Variants in LNPK observed in about 807,000 individuals in gnomAD.
LNPK encodes the protein lunapark, ER junction formation factor, also known as endoplasmic reticulum junction formation protein lunapark.
LNPK carries 29 observed loss-of-function variants against 55.2 expected under a neutral mutation model. The observed-to-expected ratio is 0.53, with a 90% CI of 0.39 to 0.72. The LOEUF is 0.72. Among genes scored for constraint, LNPK ranks in the 30% least tolerant of loss-of-function variants. The pLI is 0.00. For synonymous variants in LNPK, 162 were observed against 168.2 expected (o/e 0.96, Z 0.29); for missense variants, 467 against 494.8 (o/e 0.94, Z 0.53).
intron 8 of LNPK, among the ~76,000 whole-genome samples, chr2:175,953,536 T>C (rs1685524298): frequency 6.6e-6 from 1 of 152,044 alleles, no homozygotes; most frequent in African/African-American, 2.4e-5. Flanking sequence ...AACAAAAACG[T>C]AGGTCACATC....
chr2:175,929,641 T>C lies in LNPK; in HGVS notation c.*326A>G, dbSNP rs964847976. The C allele has an allele frequency of 1.4e-5, 15 of 1,052,340 alleles. No homozygotes were observed. The highest frequency in any genetic ancestry group is 6.7e-5 in the African/African-American group (4 of 59,710). The allele number at this position is 1,052,340 out of a possible 1,614,324, so 65.2% of individuals were successfully genotyped here. A position where few individuals can be genotyped will look rare whatever the true frequency, so the allele number is the denominator to read the frequency against. On this transcript the variant is annotated 3_prime_UTR_variant, in exon 13 of 13. Transcript: ENST00000272748. Reference sequence around the variant, plus strand: ...AACCAAAGTTCTTCCTATGTCAAAATGGATATTTACGGGTTATACATACAG... The same window carrying C: ...AACCAAAGTTCTTCCTATGTCAAAACGGATATTTACGGGTTATACATACAG...
intron 12 of LNPK, among the ~76,000 whole-genome samples, chr2:175,931,588 T>C (rs1046478948): frequency 6.6e-6 from 1 of 152,206 alleles, no homozygotes; most frequent in African/African-American, 2.4e-5. Context: ...TTTTACTATA[T>C]GAAAACTTCC....
intron 2 of LNPK, among the ~76,000 whole-genome samples, chr2:175,994,588 T>C (rs1188206022): frequency 6.6e-6 from 1 of 151,406 alleles, no homozygotes; most frequent in Non-Finnish European, 1.5e-5. Context: ...AGTGGCACAA[T>C]CTCGGCTCAC....
At position 175,937,276 on chromosome 2, in the gene LNPK, C is replaced by G. The variant is rs367787743; in HGVS notation, c.1054+68G>C. Reference sequence around the variant, plus strand: ...AAATTAATCCATCTTTATCTAAAAGCATTATGCTTTTATTACTGTTAAATA... The same window carrying G: ...AAATTAATCCATCTTTATCTAAAAGGATTATGCTTTTATTACTGTTAAATA... On this transcript the variant is annotated intron_variant, in intron 12 of 12. Transcript: ENST00000272748. The G allele has an allele frequency of 5.8e-5, 83 of 1,434,630 alleles. No individual in the cohort carries two copies. In the South Asian group the frequency reaches 1.0e-3, roughly 17 times the overall value. 88.9% of individuals were successfully genotyped at this position (1,434,630 alleles called of 1,614,324 possible). A position where few individuals can be genotyped will look rare whatever the true frequency, so the allele number is the denominator to read the frequency against.
intron 1 of LNPK, among the ~76,000 whole-genome samples, chr2:176,000,009 A>C (rs930847035): frequency 2.6e-5 from 4 of 152,080 alleles, no homozygotes; most frequent in Non-Finnish European, 5.9e-5. Flanking sequence ...CAAGTGATCC[A>C]CCTGCCTTGG....
chr2:175,959,676 AC>A (rs1156249864), intron 8 of LNPK, among the ~76,000 whole-genome samples: 1 of 152,186 alleles, frequency 6.6e-6, no homozygotes, highest in Admixed American at 6.5e-5. Flanking sequence ...TAACCAGCTA[AC>A]ATCATAACGA....
At chr2:175,978,435 G>A (rs1011559866) in intron 5 of LNPK, among the ~76,000 whole-genome samples, 1 of 152,086 alleles carries the variant, frequency 6.6e-6, no homozygotes, top group Non-Finnish European at 1.5e-5. Flanking sequence ...AAGACTATAG[G>A]TTAAGAGTGA....
In LNPK at chr2:176,002,146, CT is replaced by C; in HGVS notation, c.-63+13del. The C allele has an allele frequency of 2.3e-6, 1 of 440,942 alleles. No homozygotes were observed. Among genetic ancestry groups the C allele is most frequent in the African/African-American group, 2.1e-5 (1 of 48,768 alleles). 27.3% of individuals were successfully genotyped at this position (440,942 alleles called of 1,614,324 possible). A position where few individuals can be genotyped will look rare whatever the true frequency, so the allele number is the denominator to read the frequency against. ...GCAGAGCCCTCCCAACTGCCCTCGC[CT>C]TGAGCGTTCTACCTGCAAGAAGCGG... On this transcript the variant is annotated intron_variant, in intron 1 of 12. Coordinates refer to ENST00000272748, the MANE Select transcript of LNPK (RefSeq NM_030650.3).
intron 4 of LNPK, among the ~76,000 whole-genome samples, chr2:175,981,464 CT>C (rs1380685079): frequency 6.6e-6 from 1 of 152,128 alleles, no homozygotes; most frequent in Non-Finnish European, 1.5e-5. Flanking sequence ...CACCAGATAT[CT>C]TATTGGGATT....
chr2:175,934,680 A>G (rs1376006964), intron 12 of LNPK, among the ~76,000 whole-genome samples: 1 of 152,032 alleles, frequency 6.6e-6, no homozygotes, highest in East Asian at 1.9e-4. Flanking sequence ...AACCACCTTA[A>G]TGTAACTTAG....
rs1342190373 is a variant in LNPK, at chr2:175,927,103, AG to A, written c.*2863del. ...GAACTTAAGGAACACCAACACTTAC[AG>A]GACGTTGAGAGCAAGAGGCCAGAGA... On this transcript the variant is annotated 3_prime_UTR_variant, in exon 13 of 13. Transcript: ENST00000272748. The A allele has an allele frequency of 2.0e-5, 3 of 152,258 alleles. No individual in the cohort carries two copies. Among genetic ancestry groups the A allele is most frequent in the African/African-American group, 7.2e-5 (3 of 41,468 alleles). 9.4% of individuals were successfully genotyped at this position (152,258 alleles called of 1,614,324 possible).
intron 5 of LNPK, among the ~76,000 whole-genome samples, chr2:175,975,011 T>A (rs896175836): frequency 3.1e-5 from 1 of 32,212 alleles, no homozygotes; most frequent in East Asian, 4.3e-4. Flanking sequence ...AGGTTTCTTA[T>A]TTTTTTTTTT....
chr2:175,956,355 A>C (rs77033563), intron 8 of LNPK, among the ~76,000 whole-genome samples: 69 of 151,524 alleles, frequency 4.6e-4, no homozygotes, highest in African/African-American at 1.6e-3. Context: ...TCAATCATTT[A>C]CTCCTATGGT....
intron 6 of LNPK, among the ~76,000 whole-genome samples, chr2:175,969,926 C>A (rs1686574426): frequency 6.6e-6 from 1 of 152,134 alleles, no homozygotes; most frequent in Non-Finnish European, 1.5e-5. Context: ...CATCAATTCA[C>A]AGAATAATTT....
chr2:175,958,012 C>T (rs1685783432), intron 8 of LNPK, among the ~76,000 whole-genome samples: 1 of 152,168 alleles, frequency 6.6e-6, no homozygotes, highest in Non-Finnish European at 1.5e-5. Context: ...GGGGGAGGGG[C>T]GTCTGCCATT....
At chr2:175,936,573 G>A (rs890110153) in intron 12 of LNPK, among the ~76,000 whole-genome samples, 1 of 151,918 alleles carries the variant, frequency 6.6e-6, no homozygotes, top group African/African-American at 2.4e-5. Context: ...TCATAATTGT[G>A]GCAATCTTCA....
At chr2:175,953,097 A>C (rs1183132707) in intron 8 of LNPK, among the ~76,000 whole-genome samples, 1 of 152,094 alleles carries the variant, frequency 6.6e-6, no homozygotes, top group Non-Finnish European at 1.5e-5. Context: ...TCTCTGTGTT[A>C]TGCAACCTGT....
At chr2:175,986,019 C>A (rs927585537) in intron 4 of LNPK, among the ~76,000 whole-genome samples, 6 of 152,202 alleles carry the variant, frequency 3.9e-5, no homozygotes, top group East Asian at 1.9e-4. Flanking sequence ...ATTAAAAATT[C>A]TTCTTAAAGG....
intron 2 of LNPK, among the ~76,000 whole-genome samples, chr2:175,994,914 A>ATTTTTTTT (rs35432943): frequency 1.1e-5 from 1 of 88,494 alleles, no homozygotes; most frequent in African/African-American, 4.3e-5. Flanking sequence ...CTTGTATAGA[A>ATTTTTTTT]TTTTTTTTTT....
Sources: allele counts gnomAD v4.1 joint callset (sites outside exome capture counted in the v4.1 genomes callset), GRCh38; gene constraint gnomAD v4.1.1; transcripts MANE v1.5; gene names NCBI Gene and HGNC (gene_info 2026-07-23, HGNC 2026-07-21).